The following MLLT3 variants were observed in gnomAD, a reference collection of about 807,000 sequenced individuals.
The protein encoded by MLLT3 is protein AF-9.
Under a neutral mutation model 53.2 loss-of-function variants are expected in MLLT3, and 4 were observed. That is an observed-to-expected ratio of 0.08 (90% CI 0.04 to 0.17). The LOEUF is 0.17. Among genes scored for constraint, MLLT3 ranks in the 10% least tolerant of loss-of-function variants. MLLT3 has a pLI of 1.00. For missense variants in MLLT3, 569 were observed against 684.0 expected, an observed-to-expected ratio of 0.83 and a Z score of 1.87; for synonymous variants, 283 against 230.6, an observed-to-expected ratio of 1.23 and a Z score of -2.06.
At chr9:20,361,017 C>T (rs1821308683) in intron 7 of MLLT3, among the ~76,000 whole-genome samples, 176 bp from the exon 8 acceptor site, 1 of 152,214 alleles carries the variant, frequency 6.6e-6, no homozygotes, top group Admixed American at 6.5e-5. Flanking sequence ...GTGTTAAGTG[C>T]TTTACCTGCC....
At chr9:20,617,646 A>T (rs1407307008) in intron 2 of MLLT3, among the ~76,000 whole-genome samples, 3 of 152,136 alleles carry the variant, frequency 2.0e-5, no homozygotes, top group Admixed American at 2.0e-4. Flanking sequence ...AATAAATAAG[A>T]TATTGTCTTT....
intron 6 of MLLT3, 52 bp downstream of exon 6, chr9:20,365,617 T>C (rs894473003): frequency 1.2e-6 from 2 of 1,603,670 alleles, no homozygotes; most frequent in Middle Eastern, 1.7e-4. Flanking sequence ...CAAAGTGCCA[T>C]TAAGGTGTTT....
intron 2 of MLLT3, among the ~76,000 whole-genome samples, chr9:20,491,671 T>C (rs1824951677): frequency 6.6e-6 from 1 of 152,116 alleles, no homozygotes. Context: ...TCAACAACAG[T>C]TATATTCCAA....
chr9:20,618,968 C>T (rs990882547), intron 2 of MLLT3, among the ~76,000 whole-genome samples: 1 of 152,094 alleles, frequency 6.6e-6, no homozygotes, highest in Non-Finnish European at 1.5e-5. Flanking sequence ...CTTATTTCAC[C>T]TTGAAGTGAA....
chr9:20,525,511 T>C (rs114114872), intron 2 of MLLT3, among the ~76,000 whole-genome samples: 2,899 of 152,122 alleles, frequency 0.019, 94 homozygotes, highest in African/African-American at 0.065. Flanking sequence ...AAATAAAAAA[T>C]AAAGACATCT....
chr9:20,365,242 G>A (rs1337283439), intron 6 of MLLT3, among the ~76,000 whole-genome samples: 2 of 152,102 alleles, frequency 1.3e-5, no homozygotes, highest in African/African-American at 2.4e-5. Context: ...ATTCCTAAGG[G>A]AAATAAATAC....
chr9:20,441,317 A>G (rs1287104659), intron 4 of MLLT3, among the ~76,000 whole-genome samples: 2 of 152,182 alleles, frequency 1.3e-5, no homozygotes, highest in African/African-American at 2.4e-5. Context: ...AAGACATTAA[A>G]TCATAAAACC....
intron 2 of MLLT3, among the ~76,000 whole-genome samples, chr9:20,490,236 T>C (rs764794565): frequency 1.3e-5 from 2 of 152,204 alleles, no homozygotes; most frequent in African/African-American, 2.4e-5. Context: ...ATTCTGCAAA[T>C]ATAAGTTTAC....
intron 2 of MLLT3, among the ~76,000 whole-genome samples, chr9:20,566,054 TTATA>T (rs1002583573): frequency 9.4e-6 from 1 of 106,042 alleles, no homozygotes; most frequent in East Asian, 2.5e-4. Context: ...ATATATATAT[TTATA>T]TATATATTTG....
Position 20,360,801 on chromosome 9 carries a change from C to G in MLLT3, c.1372G>C (p.Ala458Pro). Residue 458 changes from alanine (A) to proline (P), a missense_variant, in exon 8 of 11, where the codon GCT becomes CCT. This residue lies in a region of MLLT3 where 437 missense variants were observed against 376.5 expected (regional missense o/e 1.16). Coordinates refer to ENST00000380338, the MANE Select transcript of MLLT3 (RefSeq NM_004529.4). The part of the protein sequence containing the change: ...SDGSDSESSS[A>P]SSPLHHEPPP... The stretch of plus-strand genomic sequence containing the variant: ...GGTTCGTGATGTAGGGGTGAAGAAG[C>G]AGAACTGCTTTCACTATCGCTGCCA... 1 of 1,614,074 alleles carries G rather than the reference C, an allele frequency of 6.2e-7. No homozygotes were observed. Among genetic ancestry groups the G allele is most frequent in the Non-Finnish European group, 8.5e-7 (1 of 1,179,922 alleles).
chr9:20,519,751 A>T (rs1202666047), intron 2 of MLLT3, among the ~76,000 whole-genome samples: 2 of 152,328 alleles, frequency 1.3e-5, no homozygotes, highest in Non-Finnish European at 2.9e-5. Context: ...TGTTGGTGGG[A>T]GTGTAAATTA....
chr9:20,532,089 G>A (rs897466885), intron 2 of MLLT3, among the ~76,000 whole-genome samples: 1 of 152,052 alleles, frequency 6.6e-6, no homozygotes, highest in African/African-American at 2.4e-5. Flanking sequence ...TTACAGATTT[G>A]TTAACGGCCC....
At chr9:20,553,008 T>C (rs1392161534) in intron 2 of MLLT3, among the ~76,000 whole-genome samples, 1 of 152,208 alleles carries the variant, frequency 6.6e-6, no homozygotes, top group Non-Finnish European at 1.5e-5. Flanking sequence ...TAATTAAGAC[T>C]TTCCCTACAT....
At chr9:20,361,605 C>T (rs1480599845) in intron 7 of MLLT3, among the ~76,000 whole-genome samples, 1 of 152,206 alleles carries the variant, frequency 6.6e-6, no homozygotes, top group Non-Finnish European at 1.5e-5. Flanking sequence ...GGGATAACCG[C>T]TTTGGAAAAC....
intron 2 of MLLT3, among the ~76,000 whole-genome samples, chr9:20,512,899 C>T (rs1479914430): frequency 6.6e-6 from 1 of 152,186 alleles, no homozygotes; most frequent in Non-Finnish European, 1.5e-5. Flanking sequence ...GCAACACAAG[C>T]TATAAAGTGA....
chr9:20,615,719 T>C (rs1685545076), intron 2 of MLLT3, among the ~76,000 whole-genome samples: 1 of 151,956 alleles, frequency 6.6e-6, no homozygotes, highest in East Asian at 1.9e-4. Flanking sequence ...ATATATATAA[T>C]AAAATCTATT....
At chr9:20,371,937 G>A (rs568805811) in intron 5 of MLLT3, among the ~76,000 whole-genome samples, 1 of 152,254 alleles carries the variant, frequency 6.6e-6, no homozygotes, top group South Asian at 2.1e-4. Context: ...TGATTCACAA[G>A]AGAAGATCAA....
chr9:20,501,303 C>T (rs1394820108), intron 2 of MLLT3, among the ~76,000 whole-genome samples: 3 of 152,158 alleles, frequency 2.0e-5, no homozygotes, highest in African/African-American at 7.2e-5. Context: ...ACATACCAGG[C>T]CTTCTGCTAT....
intron 5 of MLLT3, among the ~76,000 whole-genome samples, chr9:20,402,579 T>C (rs1282300429): frequency 1.3e-5 from 2 of 152,176 alleles, no homozygotes; most frequent in Non-Finnish European, 2.9e-5. Context: ...AAAACCTCTT[T>C]CCATGTTTTT....
Sources: gnomAD v4.1 joint callset for allele counts (sites outside exome capture counted in the v4.1 genomes callset) on GRCh38, gnomAD v4.1.1 for gene constraint, gnomAD v4.1.1 regional missense constraint, MANE v1.5 for transcripts, NCBI Gene and HGNC (gene_info 2026-07-23, HGNC 2026-07-21) for gene names.